Variants in MAP2 observed in about 807,000 individuals in gnomAD.
The protein encoded by MAP2 is microtubule-associated protein 2.
A neutral mutation model predicts 137.6 loss-of-function variants in MAP2; 14 were observed. The observed-to-expected ratio is 0.10, with a 90% CI of 0.07 to 0.16. The LOEUF (loss-of-function observed/expected upper bound fraction) is 0.16, where lower values mean the gene tolerates loss of function less well. Among genes scored for constraint, MAP2 ranks in the 10% least tolerant of loss-of-function variants. The probability of loss-of-function intolerance (pLI) is 1.00; values close to 1 mark genes in which losing one functional copy is unlikely to be tolerated. For missense variants in MAP2, 2,088 were observed against 2,191.5 expected, an observed-to-expected ratio of 0.95 and a Z score of 0.94; for synonymous variants, 786 against 782.3, an observed-to-expected ratio of 1.00 and a Z score of -0.08.
intron 1 of MAP2, among the ~76,000 whole-genome samples, chr2:209,480,550 G>GTTTGTTTC (rs576062384): frequency 0.012 from 1,853 of 151,976 alleles, 45 homozygotes; most frequent in African/African-American, 0.042. Flanking sequence ...TTGTTTGTTT[G>GTTTGTTTC]TTTGTTTGTT....
At chr2:209,510,703 A>T (rs2061623067) in intron 2 of MAP2, among the ~76,000 whole-genome samples, 1 of 152,048 alleles carries the variant, frequency 6.6e-6, no homozygotes, top group Non-Finnish European at 1.5e-5. Flanking sequence ...GTAAAGGAAT[A>T]CTCATGGATC....
intron 3 of MAP2, among the ~76,000 whole-genome samples, chr2:209,616,896 G>A (rs1229409044): frequency 6.6e-6 from 1 of 152,122 alleles, no homozygotes; most frequent in East Asian, 1.9e-4. Flanking sequence ...TAGAAATATG[G>A]TTGGACAAAA....
intron 1 of MAP2, among the ~76,000 whole-genome samples, chr2:209,425,311 G>A (rs1467627198): frequency 2.0e-5 from 3 of 152,148 alleles, no homozygotes; most frequent in Admixed American, 2.0e-4. Flanking sequence ...CTTTAAAATT[G>A]AGTCCGGTGT....
intron 1 of MAP2, among the ~76,000 whole-genome samples, chr2:209,450,880 G>T (rs1050448724): frequency 6.6e-6 from 1 of 152,086 alleles, no homozygotes; most frequent in South Asian, 2.1e-4. Flanking sequence ...AATGAGATTA[G>T]AAACTGGAAG....
At chr2:209,532,443 T>G (rs1356814485) in intron 2 of MAP2, among the ~76,000 whole-genome samples, 1 of 152,168 alleles carries the variant, frequency 6.6e-6, no homozygotes, top group East Asian at 1.9e-4. Context: ...TTCCAAAAAC[T>G]AGGTAATATT....
intron 5 of MAP2, among the ~76,000 whole-genome samples, chr2:209,662,435 A>G (rs192745204): frequency 1.8e-3 from 275 of 152,334 alleles, no homozygotes; most frequent in Non-Finnish European, 2.6e-3. Flanking sequence ...ATTTTTGCCA[A>G]TGACAATTCA....
intron 1 of MAP2, among the ~76,000 whole-genome samples, chr2:209,503,286 C>A (rs1275375761): frequency 6.6e-6 from 1 of 152,118 alleles, no homozygotes; most frequent in Admixed American, 6.6e-5. Context: ...CAGGCATGAG[C>A]CCCCACGCCC....
intron 2 of MAP2, among the ~76,000 whole-genome samples, chr2:209,575,759 A>T (rs1369034831): frequency 2.0e-5 from 3 of 152,270 alleles, no homozygotes; most frequent in African/African-American, 7.2e-5. Flanking sequence ...GGTGCTTTGG[A>T]TACCAGTGTC....
rs147914803 is a variant in MAP2 at position 209,602,878 on chromosome 2, C to G, written c.-106-22175C>G. ...ATGGTTTCAGAGCTTGTACTGTTATCTGGAAATAAGAGCTAGGCTTCAAAG... is the reference window on the plus strand; with the variant it reads ...ATGGTTTCAGAGCTTGTACTGTTATGTGGAAATAAGAGCTAGGCTTCAAAG... On this transcript the variant is annotated intron_variant, in intron 3 of 15. Coordinates refer to ENST00000682079, the MANE Select transcript of MAP2 (RefSeq NM_001375505.1). Among the ~76,000 whole-genome samples the G allele has an allele frequency of 5.1e-4, 78 of 152,250 alleles. 1 individual carries two copies. Among genetic ancestry groups the G allele is most frequent in the East Asian group, 3.1e-3 (16 of 5,176 alleles).
chr2:209,469,077 A>G (rs965654200), intron 1 of MAP2, among the ~76,000 whole-genome samples: 1 of 152,218 alleles, frequency 6.6e-6, no homozygotes, highest in Admixed American at 6.5e-5. Flanking sequence ...GATTTGGGGA[A>G]TCATCTTGTT....
intron 2 of MAP2, among the ~76,000 whole-genome samples, chr2:209,553,946 C>T (rs965738591): frequency 6.6e-6 from 1 of 152,138 alleles, no homozygotes; most frequent in Non-Finnish European, 1.5e-5. Context: ...AAGCTGTCCT[C>T]GTGATGTCAC....
chr2:209,596,050 C>A (rs547888625), intron 3 of MAP2, among the ~76,000 whole-genome samples: 1 of 151,948 alleles, frequency 6.6e-6, no homozygotes, highest in Admixed American at 6.6e-5. Flanking sequence ...CACATGTATA[C>A]CTATGTAACA....
chr2:209,727,332 G>C (rs574237764), intron 14 of MAP2, among the ~76,000 whole-genome samples: 17 of 152,276 alleles, frequency 1.1e-4, no homozygotes, highest in Middle Eastern at 3.4e-3. Context: ...GGAATACTTG[G>C]CAACACTGCC....
chr2:209,553,498 A>G (rs1000048194), intron 2 of MAP2, among the ~76,000 whole-genome samples: 5 of 152,188 alleles, frequency 3.3e-5, no homozygotes, highest in Non-Finnish European at 5.9e-5. Flanking sequence ...AACATACAGG[A>G]AAGTGCTTGG....
intron 1 of MAP2, among the ~76,000 whole-genome samples, chr2:209,450,166 TC>T (rs1452993866): frequency 6.6e-6 from 1 of 152,114 alleles, no homozygotes; most frequent in East Asian, 1.9e-4. Flanking sequence ...GGTCTTGAAC[TC>T]CCGACCTCAA....
At chr2:209,439,160 G>T (rs565247328) in intron 1 of MAP2, among the ~76,000 whole-genome samples, 1 of 151,398 alleles carries the variant, frequency 6.6e-6, no homozygotes, top group Admixed American at 6.6e-5. Flanking sequence ...GAACAAAGAG[G>T]GGTATCATAT....
chr2:209,476,912 T>A (rs1707387641), intron 1 of MAP2, among the ~76,000 whole-genome samples: 1 of 152,226 alleles, frequency 6.6e-6, no homozygotes, highest in African/African-American at 2.4e-5. Context: ...CAATTCCTTT[T>A]TCCTGTCCTA....
intron 1 of MAP2, among the ~76,000 whole-genome samples, chr2:209,445,299 T>G (rs901327689): frequency 6.6e-6 from 1 of 151,730 alleles, no homozygotes; most frequent in Non-Finnish European, 1.5e-5. Context: ...TTTTGTAAAC[T>G]GACTCCATGA....
chr2:209,645,683 T>C (rs2094375604), intron 4 of MAP2, among the ~76,000 whole-genome samples: 1 of 152,170 alleles, frequency 6.6e-6, no homozygotes, highest in South Asian at 2.1e-4. Flanking sequence ...AACTAAAATG[T>C]TAAAAGGTAA....
Sources: allele counts gnomAD v4.1 joint callset (sites outside exome capture counted in the v4.1 genomes callset), GRCh38; gene constraint gnomAD v4.1.1; transcripts MANE v1.5; gene names NCBI Gene and HGNC (gene_info 2026-07-23, HGNC 2026-07-21).